MTF1: variants seen among roughly 807,000 people sequenced by gnomAD.
MTF1 encodes metal regulatory transcription factor 1, also known as MRE-binding transcription factor.
MTF1 carries 22 observed loss-of-function variants against 70.4 expected under a neutral mutation model. That is an observed-to-expected ratio of 0.31 (90% CI 0.22 to 0.45). The LOEUF (loss-of-function observed/expected upper bound fraction) is 0.45. Ranked by LOEUF, MTF1 falls within the 20% of genes least tolerant of loss-of-function variation. The pLI, the probability that MTF1 is intolerant of heterozygous loss-of-function variation, is 1.00. For missense variants in MTF1, 649 were observed against 922.0 expected, an observed-to-expected ratio of 0.70 and a Z score of 3.83; for synonymous variants, 333 against 352.8, an observed-to-expected ratio of 0.94 and a Z score of 0.63.
At chr1:37,830,551 C>T (rs1175319919) in intron 7 of MTF1, among the ~76,000 whole-genome samples, 1 of 152,194 alleles carries the variant, frequency 6.6e-6, no homozygotes, top group African/African-American at 2.4e-5. Flanking sequence ...TTAATTTTAA[C>T]ATTAGATGGG....
At chr1:37,819,951 CAAAAAAAAAAAAAAAAAAAAAA>C (rs766621404) in intron 9 of MTF1, among the ~76,000 whole-genome samples, 4 of 82,682 alleles carry the variant, frequency 4.8e-5, no homozygotes, top group East Asian at 3.5e-4. Flanking sequence ...GACTCTGACT[CAAAAAAAAAAAAAAAAAAAAAA>C]AAAAAAAAAA....
rs550287104 is a variant in MTF1, at chr1:37,857,562, T to C, written c.97A>G (p.Asn33Asp). The change falls in exon 2 of 11, where the codon AAC (asparagine) becomes GAC (aspartate). Residue 33 changes from asparagine to aspartate, a missense_variant. Asn to Asp is a conservative substitution (Grantham distance 23). This residue lies in a region of MTF1 where 34 missense variants were observed against 38.7 expected (regional missense o/e 0.88). Transcript: ENST00000373036. ...CCAGATGAGGAAGGCACCAGTCCGT[T>C]TTTATCCACAAACCTGAGCATTTTA... ...DDKMLRFVDK[N>D]GLVPSSSGTV... The C allele has an allele frequency of 1.2e-5, 20 of 1,614,120 alleles. No individual in the cohort carries two copies. The highest frequency in any genetic ancestry group is 3.3e-4 in the Middle Eastern group (2 of 6,084).
At position 37,832,262 on chromosome 1, in the gene MTF1, G is replaced by A; in HGVS notation, c.1051C>T (p.Arg351Ter). Residue 351 changes from arginine to a stop codon, truncating the protein, a stop_gained, in exon 7 of 11, where the codon CGA (arginine) becomes TGA (stop). Coordinates refer to ENST00000373036, the MANE Select transcript of MTF1 (RefSeq NM_005955.3). LOFTEE classifies it high-confidence loss of function. ...ACACTTACCGTACTGGAATTTTCTC[G>A]CAATTCAGAATCTGTGGACAGAAGG... Reference protein sequence around the residue: ...LSLLSTDSELRENSSTTQGQD... With the variant: ...LSLLSTDSEL 1.2e-6 allele frequency: 2 copies of A among 1,611,780 alleles called. No homozygotes were observed. The highest frequency in any genetic ancestry group is 1.7e-6 in the Non-Finnish European group (2 of 1,178,298).
At chr1:37,841,832 C>A (rs1421933233) in intron 2 of MTF1, among the ~76,000 whole-genome samples, 2 of 152,268 alleles carry the variant, frequency 1.3e-5, no homozygotes, top group Admixed American at 1.3e-4. Context: ...GAGTTTGAGA[C>A]AACCTGGGCA....
Position 37,812,230 on chromosome 1 carries a change from G to A in MTF1, c.*2906C>T, listed in dbSNP as rs1291264898. On this transcript the variant is annotated 3_prime_UTR_variant, in exon 11 of 11. Coordinates refer to ENST00000373036, the MANE Select transcript of MTF1 (RefSeq NM_005955.3). ...TTGGGAAACCACACTCACCATGAAG[G>A]TTCTTTCTGGCTCCAGCTTAGCTAG... 1 of 152,180 alleles carries A rather than the reference G, an allele frequency of 6.6e-6. No homozygotes were observed. Among genetic ancestry groups the A allele is most frequent in the Non-Finnish European group, 1.5e-5 (1 of 68,048 alleles). 9.4% of individuals were successfully genotyped at this position (152,180 alleles called of 1,614,324 possible).
intron 2 of MTF1, among the ~76,000 whole-genome samples, chr1:37,844,326 T>C (rs1479891671): frequency 6.6e-6 from 1 of 152,224 alleles, no homozygotes; most frequent in African/African-American, 2.4e-5. Flanking sequence ...GCCTAGTTCC[T>C]TCCTTCTCCG....
At position 37,812,314 on chromosome 1, in the gene MTF1, A is replaced by T. The variant is rs1347388353; in HGVS notation, c.*2822T>A. ...AGACCAGGCTTATGGAAGGACAGGT[A>T]GGAAAAGAGAACTGGAAAAGGAGGG... On this transcript the variant is annotated 3_prime_UTR_variant, in exon 11 of 11. Coordinates refer to ENST00000373036, the MANE Select transcript of MTF1 (RefSeq NM_005955.3). The T allele has an allele frequency of 6.6e-6, 1 of 152,256 alleles. No individual in the cohort carries two copies. Among genetic ancestry groups the T allele is most frequent in the Admixed American group, 6.5e-5 (1 of 15,288 alleles). 9.4% of individuals were successfully genotyped at this position (152,256 alleles called of 1,614,324 possible). A position where few individuals can be genotyped will look rare whatever the true frequency, so the allele number is the denominator to read the frequency against.
At position 37,821,172 on chromosome 1, in the gene MTF1, T is replaced by TATAATAATA. The variant is rs71573763; in HGVS notation, c.1767+940_1767+948dup. On this transcript the variant is annotated intron_variant, in intron 9 of 10. Transcript: ENST00000373036. ...GCCTGGGTGACAGAGCCTCAAAATA[T>TATAATAATA]ATAATAATAATAATAATAATAGGAG... Among the ~76,000 whole-genome samples, 177 of 149,738 alleles carry TATAATAATA rather than the reference T, an allele frequency of 1.2e-3. 1 individual carries two copies. The highest frequency in any genetic ancestry group is 1.6e-3 in the Non-Finnish European group (107 of 67,448).
chr1:37,832,470 G>C (rs1641101610), intron 6 of MTF1, 148 bp from the exon 7 acceptor site: 2 of 595,352 alleles, frequency 3.4e-6, no homozygotes, highest in Non-Finnish European at 5.9e-6. Flanking sequence ...CAAAGCAAGG[G>C]CTAAATGAAT....
chr1:37,856,568 C>A (rs569638916), intron 2 of MTF1, among the ~76,000 whole-genome samples: 1 of 148,332 alleles, frequency 6.7e-6, no homozygotes, highest in African/African-American at 2.5e-5. Context: ...GGCATGATCT[C>A]GGCTCACTGC....
rs1356705654 is a variant in MTF1 at position 37,831,270 on chromosome 1, A to G, written c.1068+975T>C. On this transcript the variant is annotated intron_variant, in intron 7 of 10. Coordinates refer to ENST00000373036, the MANE Select transcript of MTF1 (RefSeq NM_005955.3). ...GAGAATTAGGCCTTGTCGTGCTTAC[A>G]TAAAAATGCAGGTTCAGATGCCACG... Among the ~76,000 whole-genome samples, 4 of 152,234 alleles carry G rather than the reference A, an allele frequency of 2.6e-5. No individual in the cohort carries two copies. The East Asian group carries it at 7.7e-4, about 29-fold the overall frequency.
chr1:37,832,184 C>A, intron 7 of MTF1, 61 bp downstream of exon 7: 1 of 1,119,520 alleles, frequency 8.9e-7, no homozygotes. Context: ...ATTTTCCCAC[C>A]AAAGGGAGTG....
intron 7 of MTF1, among the ~76,000 whole-genome samples, chr1:37,830,436 T>G (rs1217122195): frequency 7.2e-5 from 11 of 152,202 alleles, no homozygotes; most frequent in Non-Finnish European, 1.5e-4. Context: ...AGATTTCCTA[T>G]TTGTTCAATC....
At chr1:37,835,048 A>G (rs973490126) in intron 6 of MTF1, 31 bp downstream of exon 6, 2 of 1,610,000 alleles carry the variant, frequency 1.2e-6, no homozygotes, top group Admixed American at 1.7e-5. Context: ...GTTCTATGGT[A>G]CCCAGATCAA....
intron 6 of MTF1, among the ~76,000 whole-genome samples, chr1:37,833,223 A>G (rs1569862794): frequency 6.6e-6 from 1 of 152,288 alleles, no homozygotes; most frequent in Middle Eastern, 3.4e-3. Flanking sequence ...ACAAATTGCC[A>G]CAAACTTATA....
intron 6 of MTF1, among the ~76,000 whole-genome samples, chr1:37,833,556 T>C (rs1330108972): frequency 6.6e-6 from 1 of 152,194 alleles, no homozygotes. Context: ...ATAATGCATC[T>C]ACTATGTATT....
chr1:37,833,311 A>C (rs1641116651), intron 6 of MTF1, among the ~76,000 whole-genome samples: 1 of 152,224 alleles, frequency 6.6e-6, no homozygotes. Context: ...TAATTAGCAG[A>C]AGACAAATCC....
chr1:37,832,833 C>T (rs1196983943), intron 6 of MTF1, among the ~76,000 whole-genome samples: 4 of 151,940 alleles, frequency 2.6e-5, no homozygotes, highest in Admixed American at 2.6e-4. Flanking sequence ...AGTGAAACCC[C>T]ATCTCTACTA....
chr1:37,829,817 C>G (rs1321087680), intron 7 of MTF1, among the ~76,000 whole-genome samples: 1 of 151,934 alleles, frequency 6.6e-6, no homozygotes, highest in Non-Finnish European at 1.5e-5. Context: ...AAAATTAATC[C>G]TATTGCTTCA....
Sources: allele counts gnomAD v4.1 joint callset (sites outside exome capture counted in the v4.1 genomes callset), GRCh38; gene constraint gnomAD v4.1.1; regional missense constraint gnomAD v4.1.1; transcripts MANE v1.5; gene names NCBI Gene and HGNC (gene_info 2026-07-23, HGNC 2026-07-21).